Variants in PCNX2 observed in about 807,000 individuals in gnomAD.
PCNX2 encodes the protein pecanex-like protein 2.
A neutral mutation model predicts 223.8 loss-of-function variants in PCNX2; 168 were observed. That is an observed-to-expected ratio of 0.75 (90% CI 0.66 to 0.85). The LOEUF is 0.85. Ranked by LOEUF, PCNX2 falls within the 40% of genes least tolerant of loss-of-function variation. The pLI, the probability that PCNX2 is intolerant of heterozygous loss-of-function variation, is 0.00. For missense variants in PCNX2, 2,507 were observed against 2,675.5 expected, an observed-to-expected ratio of 0.94 and a Z score of 1.39; for synonymous variants, 1,006 against 1,052.6, an observed-to-expected ratio of 0.96 and a Z score of 0.86.
intron 21 of PCNX2, among the ~76,000 whole-genome samples, chr1:233,105,656 T>C (rs1674726271): frequency 6.6e-6 from 1 of 152,196 alleles, no homozygotes; most frequent in Non-Finnish European, 1.5e-5. Flanking sequence ...GGGATGATAG[T>C]ATCCAGCAGG....
At chr1:233,096,127 T>C (rs1674150002) in intron 21 of PCNX2, among the ~76,000 whole-genome samples, 1 of 152,230 alleles carries the variant, frequency 6.6e-6, no homozygotes, top group Non-Finnish European at 1.5e-5. Context: ...TGTATCTCTT[T>C]GCCTTTCTCA....
At chr1:233,187,007 C>T (rs79605595) in intron 15 of PCNX2, among the ~76,000 whole-genome samples, 6,194 of 152,248 alleles carry the variant, frequency 0.041, 204 homozygotes, top group African/African-American at 0.089. Flanking sequence ...TTTTGTAGCA[C>T]ACCTTTTATG....
chr1:233,327,313 A>G, the PCNX2 span, among the ~76,000 whole-genome samples: 1 of 138,100 alleles, frequency 7.2e-6, no homozygotes. Context: ...GCGGCTCACC[A>G]TTGCTCCGGA....
At chr1:233,261,467 T>C in intron 3 of PCNX2, 146 bp from the exon 4 acceptor site, 1 of 701,666 alleles carries the variant, frequency 1.4e-6, no homozygotes, top group Non-Finnish European at 2.5e-6. Flanking sequence ...CTTAAGCTTC[T>C]ATAAAATGGG....
intron 9 of PCNX2, chr1:233,232,854 C>T: frequency 1.0e-6 from 1 of 985,360 alleles, no homozygotes; most frequent in African/African-American, 1.7e-5. Context: ...GCTTGACCGT[C>T]ATGCTATCCA....
chr1:233,110,359 T>G (rs1675047567), intron 21 of PCNX2, among the ~76,000 whole-genome samples: 2 of 152,124 alleles, frequency 1.3e-5, no homozygotes, highest in South Asian at 4.1e-4. Flanking sequence ...TAGAGGGACA[T>G]CTATAAAGTG....
chr1:233,286,440 T>C (rs7534800), intron 1 of PCNX2, among the ~76,000 whole-genome samples: 123,193 of 152,112 alleles, frequency 0.81, 49,909 homozygotes, highest in East Asian at 0.87. Context: ...GCTAGCTGCT[T>C]TGATGGAGGT....
intron 25 of PCNX2, among the ~76,000 whole-genome samples, chr1:233,046,553 G>A (rs1013139225): frequency 6.6e-6 from 1 of 152,196 alleles, no homozygotes; most frequent in Non-Finnish European, 1.5e-5. Context: ...GTTTAAGAGT[G>A]AGTGGTATTG....
chr1:233,188,815 C>T (rs1038354094), intron 15 of PCNX2, among the ~76,000 whole-genome samples: 6 of 152,150 alleles, frequency 3.9e-5, no homozygotes, highest in African/African-American at 9.7e-5. Flanking sequence ...GCCACCGCAC[C>T]GGGCAATCTC....
intron 1 of PCNX2, among the ~76,000 whole-genome samples, chr1:233,277,081 A>G (rs1157564027): frequency 4.6e-5 from 7 of 152,360 alleles, no homozygotes; most frequent in Admixed American, 3.3e-4. Flanking sequence ...ACAATGGGCC[A>G]AAGTGTGCAA....
At chr1:233,239,923 T>A (rs2102968815) in intron 8 of PCNX2, among the ~76,000 whole-genome samples, 1 of 152,350 alleles carries the variant, frequency 6.6e-6, no homozygotes, top group South Asian at 2.1e-4. Context: ...AACAGCATAT[T>A]AACTTCCCTC....
chr1:232,998,209 A>G, intron 32 of PCNX2, 42 bp downstream of exon 32: 5 of 1,475,514 alleles, frequency 3.4e-6, no homozygotes, highest in Non-Finnish European at 4.5e-6. Flanking sequence ...CTGGGACCAA[A>G]TAGGACTTCA....
Position 232,986,237 on chromosome 1 carries a change from A to AT in PCNX2, c.6094_6095insA (p.Leu2032HisfsTer26). On this transcript the variant is annotated frameshift_variant, in exon 33 of 34. Transcript: ENST00000258229. LOFTEE classifies it high-confidence loss of function. ...GCTGGAAAAGCTCCTCTTGCCGAAG[A>AT]GGAAGCTCAGGGTGGAGCTGGTGGA... The AT allele has an allele frequency of 6.4e-7, 1 of 1,560,062 alleles. No homozygotes were observed. The highest frequency in any genetic ancestry group is 8.7e-7 in the Non-Finnish European group (1 of 1,152,014).
chr1:233,091,081 G>A (rs1338499745), intron 22 of PCNX2, among the ~76,000 whole-genome samples: 1 of 152,156 alleles, frequency 6.6e-6, no homozygotes, highest in Non-Finnish European at 1.5e-5. Context: ...GTGGTTGGAA[G>A]CACAAGAGAG....
chr1:232,998,993 A>G (rs959177071), intron 31 of PCNX2, 112 bp downstream of exon 31: 2 of 1,245,980 alleles, frequency 1.6e-6, no homozygotes, highest in Non-Finnish European at 2.2e-6. Flanking sequence ...AGTTTTAATC[A>G]TATGAGAAAA....
At position 232,999,396 on chromosome 1, in the gene PCNX2, G is replaced by C; in HGVS notation, c.5329-17C>G. On this transcript the variant is annotated splice_polypyrimidine_tract_variant and intron_variant, in intron 30 of 33. Coordinates refer to ENST00000258229, the MANE Select transcript of PCNX2 (RefSeq NM_014801.4). ...TTTGTTAACCTGCAGGTCAGAGAGGGAACGGGAAGAAAGGCAGAAGGCCTG... is the reference window on the plus strand; with the variant it reads ...TTTGTTAACCTGCAGGTCAGAGAGGCAACGGGAAGAAAGGCAGAAGGCCTG... The C allele has an allele frequency of 6.4e-7, 1 of 1,573,412 alleles. No homozygotes were observed. Among genetic ancestry groups the C allele is most frequent in the East Asian group, 2.3e-5 (1 of 43,162 alleles).
At chr1:233,104,245 CA>C (rs1245773944) in intron 21 of PCNX2, among the ~76,000 whole-genome samples, 1 of 152,160 alleles carries the variant, frequency 6.6e-6, no homozygotes, top group African/African-American at 2.4e-5. Flanking sequence ...TATCAAAATA[CA>C]GACTCTCGGT....
intron 12 of PCNX2, among the ~76,000 whole-genome samples, chr1:233,213,235 T>A (rs1681917055): frequency 6.6e-6 from 1 of 152,130 alleles, no homozygotes; most frequent in African/African-American, 2.4e-5. Flanking sequence ...CCTTTTAGAA[T>A]CAGACTAATA....
intron 10 of PCNX2, among the ~76,000 whole-genome samples, chr1:233,219,462 G>A (rs762969624): frequency 6.6e-6 from 1 of 152,010 alleles, no homozygotes; most frequent in South Asian, 2.1e-4. Context: ...AGGGAACAAG[G>A]GGCCTGGGTG....
Sources: gnomAD v4.1 joint callset for allele counts (sites outside exome capture counted in the v4.1 genomes callset) on GRCh38, gnomAD v4.1.1 for gene constraint, MANE v1.5 for transcripts, NCBI Gene and HGNC (gene_info 2026-07-23, HGNC 2026-07-21) for gene names.